Variants in PTCH1 observed in about 807,000 individuals in gnomAD.
The protein encoded by PTCH1 is patched 1.
Under a neutral mutation model 144.6 loss-of-function variants are expected in PTCH1, and 14 were observed. The ratio of observed to expected loss-of-function variants is 0.10; its 90% CI spans 0.06 to 0.15. PTCH1 has a LOEUF of 0.15. Among genes scored for constraint, PTCH1 ranks in the 10% least tolerant of loss-of-function variants. PTCH1 has a pLI of 1.00. For synonymous variants in PTCH1, 833 were observed against 793.6 expected, an observed-to-expected ratio of 1.05 and a Z score of -0.83; for missense variants, 1,623 against 1,948.3, an observed-to-expected ratio of 0.83 and a Z score of 3.14.
intron 15 of PTCH1, 135 bp from the exon 16 acceptor site, chr9:95,462,133 A>G: frequency 2.0e-6 from 2 of 1,024,272 alleles, no homozygotes. Flanking sequence ...TCTGTGTCCC[A>G]CATCCACTTT....
chr9:95,449,865 C>T lies in PTCH1; in HGVS notation c.3525G>A (p.Leu1175=), dbSNP rs1231593535. The T allele has an allele frequency of 1.9e-6, 3 of 1,614,130 alleles. No individual in the cohort carries two copies. The highest frequency in any genetic ancestry group is 1.7e-6 in the Non-Finnish European group (2 of 1,179,980). The change falls in exon 21 of 24, where the codon TTG becomes TTA. Residue 1175 remains leucine (L), a synonymous_variant. Transcript: ENST00000331920. The surrounding 1 kb of genome is among the most constrained non-coding windows in gnomAD (Gnocchi z 5.3). ...LNGLVLLPVL[L]SFFGPYPEVS... ...CCTCAGGATATGGTCCAAAGAAAGA[C>T]AAAAGCACGGGAAGCAAAACCAGCC...
chr9:95,453,763 C>T, intron 19 of PTCH1, 143 bp from the exon 20 acceptor site: 1 of 1,062,090 alleles, frequency 9.4e-7, no homozygotes, highest in Non-Finnish European at 1.4e-6. Context: ...AGTAGCTCAA[C>T]TAGCAGCACC....
chr9:95,479,169 G>A, intron 7 of PTCH1, 22 bp from the exon 8 acceptor site: 1 of 1,614,060 alleles, frequency 6.2e-7, no homozygotes, highest in Non-Finnish European at 8.5e-7. Flanking sequence ...TCCAAGGGAA[G>A]GCACATCATC....
intron 2 of PTCH1, among the ~76,000 whole-genome samples, chr9:95,488,669 A>G (rs563685630): frequency 1.1e-3 from 160 of 152,340 alleles, no homozygotes; most frequent in African/African-American, 3.7e-3. Context: ...GAAACCAGTC[A>G]GCGTAGTCTC....
At chr9:95,492,583 G>C (rs1208155186) in intron 2 of PTCH1, among the ~76,000 whole-genome samples, 2 of 151,952 alleles carry the variant, frequency 1.3e-5, no homozygotes, top group East Asian at 3.9e-4. Context: ...TTCATGTTTA[G>C]AGTTGGGTCC....
chr9:95,447,447 A>G lies in PTCH1; in HGVS notation c.3809T>C (p.Val1270Ala), dbSNP rs1342034180. 1 of 1,582,144 alleles carries G rather than the reference A, an allele frequency of 6.3e-7. No individual in the cohort carries two copies. Among genetic ancestry groups the G allele is most frequent in the South Asian group, 1.1e-5 (1 of 87,102 alleles). Residue 1270 changes from valine (V) to alanine (A), a missense_variant, in exon 23 of 24, where the codon GTC becomes GCC. Around this residue, in one of 7 missense-constraint regions of PTCH1, gnomAD observed 291 missense variants for 287.4 expected, o/e 1.01. Coordinates refer to ENST00000331920, the MANE Select transcript of PTCH1 (RefSeq NM_000264.5). ...TGGGTGATGCCTGGATTCGGGATGG[A>G]CCACCTGCAGAGGGTGAGGGTGGGT... is the stretch of plus-strand genomic sequence containing the variant. Reference protein sequence around the residue: ...ENPVFAHSTVVHPESRHHPPS... With the variant: ...ENPVFAHSTVAHPESRHHPPS...
rs1588516924 is a variant in PTCH1, at chr9:95,449,133, G to A, written c.3740C>T (p.Ala1247Val). 1 of 1,614,120 alleles carries A rather than the reference G, an allele frequency of 6.2e-7. No homozygotes were observed. Among genetic ancestry groups the A allele is most frequent in the East Asian group, 2.2e-5 (1 of 44,874 alleles). The change falls in exon 22 of 24, where the codon GCG becomes GTG. Residue 1247 changes from alanine to valine, a missense_variant. Physicochemically the swap from Ala to Val is moderately conservative, Grantham distance 64. This residue lies in a region of PTCH1 where 504 missense variants were observed against 679.3 expected (regional missense o/e 0.74). Transcript: ENST00000331920. This position sits in a 1 kb window ranked among gnomAD's most constrained non-coding sequence, Gnocchi z 5.3. ...ELRHYEAQQG[A>V]GGPAHQVIVE... is the part of the protein sequence containing the mutation. ...GATCACTTGGTGGGCAGGGCCTCCC[G>A]CGCCCTGCTGGGCCTCGTAGTGCCG...
At position 95,476,106 on chromosome 9, in the gene PTCH1, G is replaced by A. The variant is rs762816659; in HGVS notation, c.1656C>T (p.Ser552=). 1.2e-6 allele frequency: 2 copies of A among 1,613,832 alleles called. No homozygotes were observed. Among genetic ancestry groups the A allele is most frequent in the Non-Finnish European group, 1.7e-6 (2 of 1,179,912 alleles). Residue 552 remains serine (S), a synonymous_variant, in exon 12 of 24, where the codon TCC becomes TCT. Transcript: ENST00000331920. The surrounding 1 kb of genome is among the most constrained non-coding windows in gnomAD (Gnocchi z 4.6). Reference sequence around the variant, plus strand: ...TGAAGAAGGCTGTGACATTGCTGATGGACGTGAGGGCCACGCTGGCTCCTG... The same window carrying A: ...TGAAGAAGGCTGTGACATTGCTGATAGACGTGAGGGCCACGCTGGCTCCTG... ...KRTGASVALT[S]ISNVTAFFMA...
chr9:95,480,270 G>C (rs1361103243), intron 6 of PTCH1, 120 bp downstream of exon 6: 1 of 1,531,528 alleles, frequency 6.5e-7, no homozygotes, highest in African/African-American at 1.4e-5. Context: ...TAGTTCCATA[G>C]ACAAAGACGA....
intron 16 of PTCH1, 86 bp from the exon 17 acceptor site, chr9:95,459,869 C>A (rs777852380): frequency 7.2e-7 from 1 of 1,397,170 alleles, no homozygotes; most frequent in African/African-American, 1.4e-5. Context: ...AGCTGAGCTT[C>A]GCACAGCATT....
At chr9:95,459,822 GT>G in intron 16 of PTCH1, 39 bp from the exon 17 acceptor site, 1 of 1,607,544 alleles carries the variant, frequency 6.2e-7, no homozygotes, top group Middle Eastern at 1.7e-4. Context: ...TGAGAATGGG[GT>G]TGGGGGTAAA....
chr9:95,476,862 A>G lies in PTCH1; in HGVS notation c.1504-5T>C, dbSNP rs771796683. 6.2e-7 allele frequency: 1 copy of G among 1,613,130 alleles called. No individual in the cohort carries two copies. The highest frequency in any genetic ancestry group is 2.2e-5 in the East Asian group (1 of 44,866). ...AAGAGCGAGAAATGGCAAAACCTACAGCAAAAACAGAGGATGGTGGCATTA... is the reference window on the plus strand; with the variant it reads ...AAGAGCGAGAAATGGCAAAACCTACGGCAAAAACAGAGGATGGTGGCATTA... On this transcript the variant is annotated splice_region_variant and splice_polypyrimidine_tract_variant and intron_variant, in intron 10 of 23. Coordinates refer to ENST00000331920, the MANE Select transcript of PTCH1 (RefSeq NM_000264.5). The surrounding 1 kb of genome is among the most constrained non-coding windows in gnomAD (Gnocchi z 4.6).
At chr9:95,469,772 T>A in intron 13 of PTCH1, 41 bp downstream of exon 13, 2 of 1,534,640 alleles carry the variant, frequency 1.3e-6, no homozygotes, top group Non-Finnish European at 1.8e-6. Context: ...ACAGCACCAT[T>A]CTGCACCCAA....
rs1183845317 is a variant in PTCH1 at position 95,462,550 on chromosome 9, A to G, written c.2561-552T>C. ...AACACAAGCTGTGGGATCCGCTGCCAGGTTGTGTAAAGATCACAGCCAACA... is the reference window on the plus strand; with the variant it reads ...AACACAAGCTGTGGGATCCGCTGCCGGGTTGTGTAAAGATCACAGCCAACA... On this transcript the variant is annotated intron_variant, in intron 15 of 23. Coordinates refer to ENST00000331920, the MANE Select transcript of PTCH1 (RefSeq NM_000264.5). Among the ~76,000 whole-genome samples, 3 of 152,212 alleles carry G rather than the reference A, an allele frequency of 2.0e-5. No individual in the cohort carries two copies. The East Asian group carries it at 5.8e-4, about 29-fold the overall frequency.
intron 2 of PTCH1, among the ~76,000 whole-genome samples, chr9:95,487,093 C>A (rs1278213725): frequency 6.6e-6 from 1 of 152,122 alleles, no homozygotes; most frequent in Non-Finnish European, 1.5e-5. Flanking sequence ...CTGGGAACAG[C>A]GGGTTGTTTA....
rs1237105700 is a variant in PTCH1 at position 95,449,109 on chromosome 9, A to G, written c.3764T>C (p.Ile1255Thr). The change falls in exon 22 of 24, where the codon ATC becomes ACC. Residue 1255 changes from isoleucine (I) to threonine (T), a missense_variant. Transcript: ENST00000331920. The surrounding 1 kb of genome is among the most constrained non-coding windows in gnomAD (Gnocchi z 5.3). ...QGAGGPAHQVIVEATENPVFA... is the reference protein window; with the variant it reads ...QGAGGPAHQVTVEATENPVFA... ...GACGGGGTTTTCTGTGGCTTCCACG[A>G]TCACTTGGTGGGCAGGGCCTCCCGC... is the stretch of plus-strand genomic sequence containing the variant. 6.2e-7 allele frequency: 1 copy of G among 1,614,228 alleles called. No individual in the cohort carries two copies. Among genetic ancestry groups the G allele is most frequent in the Admixed American group, 1.7e-5 (1 of 60,034 alleles).
intron 15 of PTCH1, among the ~76,000 whole-genome samples, chr9:95,463,921 C>CAA (rs548813307): frequency 5.9e-5 from 9 of 152,300 alleles, no homozygotes; most frequent in African/African-American, 2.2e-4. Flanking sequence ...AGGAGTAAGA[C>CAA]AAGCAGGTTC....
At chr9:95,495,244 C>G (rs539730028) in intron 2 of PTCH1, 7 of 152,302 alleles carry the variant, frequency 4.6e-5, no homozygotes, top group Admixed American at 3.3e-4. Flanking sequence ...TATATTCTGT[C>G]AACACCACCA....
chr9:95,477,460 A>C, intron 10 of PTCH1, 87 bp downstream of exon 10: 1 of 1,562,970 alleles, frequency 6.4e-7, no homozygotes. Context: ...TGAGAAGGAC[A>C]CACAGCACAC....
Sources: gnomAD v4.1 joint callset for allele counts (sites outside exome capture counted in the v4.1 genomes callset) on GRCh38, gnomAD v4.1.1 for gene constraint, gnomAD v4.1.1 regional missense constraint, Gnocchi (gnomAD v3.1) non-coding constraint, MANE v1.5 for transcripts, NCBI Gene and HGNC (gene_info 2026-07-23, HGNC 2026-07-21) for gene names.